Variants in TRPM3 observed in about 807,000 individuals in gnomAD.
TRPM3 encodes transient receptor potential cation channel subfamily M member 3.
TRPM3 carries 77 observed loss-of-function variants against 181.2 expected under a neutral mutation model. The ratio of observed to expected loss-of-function variants is 0.42; its 90% CI spans 0.35 to 0.51. The LOEUF is 0.51. Among genes scored for constraint, TRPM3 ranks in the 20% least tolerant of loss-of-function variants. The probability of loss-of-function intolerance (pLI) is 0.01; values close to 1 mark genes in which losing one functional copy is unlikely to be tolerated. For missense variants in TRPM3, 1,759 were observed against 2,196.7 expected (o/e 0.80, Z 3.98); for synonymous variants, 745 against 796.4 (o/e 0.94, Z 1.09).
chr9:71,262,120 G>A (rs1003020976), intron 1 of TRPM3, among the ~76,000 whole-genome samples: 19 of 152,150 alleles, frequency 1.2e-4, no homozygotes, highest in African/African-American at 4.6e-4. Context: ...CCCTTCCCCC[G>A]GGTGCTCTGT....
chr9:70,649,607 C>T (rs987898360), intron 9 of TRPM3, among the ~76,000 whole-genome samples: 1 of 152,076 alleles, frequency 6.6e-6, no homozygotes, highest in African/African-American at 2.4e-5. Flanking sequence ...TATCTGAAGC[C>T]ATTCAGAATG....
chr9:71,263,572 A>C (rs145743113), intron 1 of TRPM3, among the ~76,000 whole-genome samples: 97 of 152,282 alleles, frequency 6.4e-4, no homozygotes, highest in African/African-American at 2.3e-3. Flanking sequence ...TTTCTTAGTC[A>C]TGAGGGATTT....
intron 1 of TRPM3, among the ~76,000 whole-genome samples, chr9:71,386,183 G>T (rs908771031): frequency 2.1e-4 from 32 of 151,872 alleles, no homozygotes; most frequent in Admixed American, 1.6e-3. Flanking sequence ...AAGCGTGGTG[G>T]CTCCTGCCTG....
Position 70,533,180 on chromosome 9 carries a change from G to C in TRPM3, c.*2773C>G, listed in dbSNP as rs1564168809. ...GAAATCACGATGAATGGAAACACTT[G>C]AGCTGAAAATTTCTTTCCCTCACTT... On this transcript the variant is annotated 3_prime_UTR_variant, in exon 26 of 26. Coordinates refer to ENST00000677713, the MANE Select transcript of TRPM3 (RefSeq NM_001366145.2). 6.6e-6 allele frequency: 1 copy of C among 152,132 alleles called. No individual in the cohort carries two copies. The highest frequency in any genetic ancestry group is 1.5e-5 in the Non-Finnish European group (1 of 68,034). 9.4% of individuals were successfully genotyped at this position (152,132 alleles called of 1,614,324 possible).
At chr9:71,326,056 C>A (rs1028598073) in intron 1 of TRPM3, among the ~76,000 whole-genome samples, 1 of 152,072 alleles carries the variant, frequency 6.6e-6, no homozygotes, top group South Asian at 2.1e-4. Context: ...ATATTTCATC[C>A]AAATTTAGTA....
intron 1 of TRPM3, among the ~76,000 whole-genome samples, chr9:71,049,187 T>C (rs949147284): frequency 2.6e-5 from 4 of 152,042 alleles, no homozygotes; most frequent in Admixed American, 1.3e-4. Context: ...CATGACTCCA[T>C]TGACTTACCT....
intron 1 of TRPM3, among the ~76,000 whole-genome samples, chr9:71,312,434 T>C (rs1186779441): frequency 1.3e-5 from 2 of 152,178 alleles, no homozygotes; most frequent in Non-Finnish European, 2.9e-5. Context: ...TTATAAATTC[T>C]CATTCATTGT....
chr9:71,182,022 C>T (rs2077433701), intron 1 of TRPM3, among the ~76,000 whole-genome samples: 1 of 152,108 alleles, frequency 6.6e-6, no homozygotes, highest in Non-Finnish European at 1.5e-5. Context: ...ATAATGGAAA[C>T]CCCGGCCTCT....
At chr9:71,180,221 A>C (rs1195842586) in intron 1 of TRPM3, among the ~76,000 whole-genome samples, 3 of 151,702 alleles carry the variant, frequency 2.0e-5, no homozygotes, top group Non-Finnish European at 4.4e-5. Flanking sequence ...CACCCAGCTA[A>C]TTTTTGTATT....
At chr9:71,239,963 T>C (rs910258091) in intron 1 of TRPM3, among the ~76,000 whole-genome samples, 3 of 152,162 alleles carry the variant, frequency 2.0e-5, no homozygotes, top group Admixed American at 6.5e-5. Flanking sequence ...GGAATTTCAT[T>C]AGAAAATGGA....
intron 1 of TRPM3, among the ~76,000 whole-genome samples, chr9:71,093,602 G>A (rs775881907): frequency 1.3e-4 from 20 of 152,206 alleles, no homozygotes; most frequent in South Asian, 2.1e-4. Flanking sequence ...TGCTGGAAAG[G>A]ATGTGGAGAA....
rs1051739575 is a variant in TRPM3, at chr9:71,332,380, T to G, written c.183+114273A>C. ...GGTCAGTGGTTTTCAATGTTGGGTG[T>G]GTGTGTGTGTGTGTGTGTGTGTGTG... On this transcript the variant is annotated intron_variant, in intron 1 of 24. Transcript: ENST00000357533. Among the ~76,000 whole-genome samples, 106 of 139,450 alleles carry G rather than the reference T, an allele frequency of 7.6e-4. 1 individual carries two copies. Among genetic ancestry groups the G allele is most frequent in the Non-Finnish European group, 1.4e-3 (95 of 66,868 alleles). 91.5% of individuals were successfully genotyped at this position (139,450 alleles called of 152,430 possible).
chr9:71,286,356 G>A (rs2085276679), intron 1 of TRPM3, among the ~76,000 whole-genome samples: 2 of 152,138 alleles, frequency 1.3e-5, no homozygotes, highest in Non-Finnish European at 2.9e-5. Flanking sequence ...AGCCAGAATC[G>A]TGCTGTGATT....
chr9:71,378,335 G>A (rs1205509372), intron 1 of TRPM3, among the ~76,000 whole-genome samples: 1 of 152,092 alleles, frequency 6.6e-6, no homozygotes, highest in African/African-American at 2.4e-5. Flanking sequence ...TGGAGCAACA[G>A]AACTTGCATA....
intron 7 of TRPM3, chr9:70,775,792 T>G (rs921157191): frequency 3.3e-5 from 5 of 152,142 alleles, no homozygotes; most frequent in African/African-American, 1.2e-4. Context: ...GTGAGATTTT[T>G]TTTTTTGTAG....
At chr9:70,621,400 T>C in intron 14 of TRPM3, 127 bp from the exon 15 acceptor site, 2 of 532,026 alleles carry the variant, frequency 3.8e-6, no homozygotes, top group Non-Finnish European at 6.1e-6. Context: ...GGTCTCACTT[T>C]GTCACCTGAG....
At chr9:71,176,526 G>A (rs1332198245) in intron 1 of TRPM3, among the ~76,000 whole-genome samples, 1 of 152,034 alleles carries the variant, frequency 6.6e-6, no homozygotes, top group Non-Finnish European at 1.5e-5. Flanking sequence ...CAATTTAAAA[G>A]TTTATAATGT....
intron 21 of TRPM3, among the ~76,000 whole-genome samples, chr9:70,596,156 C>T (rs1195527399): frequency 6.6e-6 from 1 of 152,092 alleles, no homozygotes; most frequent in African/African-American, 2.4e-5. Flanking sequence ...CTAATAATTA[C>T]AACAATAACC....
chr9:71,384,238 C>A (rs2092874952), intron 1 of TRPM3, among the ~76,000 whole-genome samples: 1 of 152,070 alleles, frequency 6.6e-6, no homozygotes, highest in African/African-American at 2.4e-5. Flanking sequence ...AACCTGAATT[C>A]TTTTGGTTCC....
Sources: allele counts gnomAD v4.1 joint callset (sites outside exome capture counted in the v4.1 genomes callset), GRCh38; gene constraint gnomAD v4.1.1; transcripts MANE v1.5; gene names NCBI Gene and HGNC (gene_info 2026-07-23, HGNC 2026-07-21).